The following MYO3B variants were observed in gnomAD, a reference collection of about 807,000 sequenced individuals.
MYO3B encodes myosin IIIB.
MYO3B carries 156 observed loss-of-function variants against 174.6 expected under a neutral mutation model. The ratio of observed to expected loss-of-function variants is 0.89; its 90% CI spans 0.78 to 1.02. The LOEUF is 1.02. Ranked by LOEUF, MYO3B falls within the 50% of genes least tolerant of loss-of-function variation. The pLI, the probability that MYO3B is intolerant of heterozygous loss-of-function variation, is 0.00. For missense variants in MYO3B, 1,632 were observed against 1,639.4 expected, an observed-to-expected ratio of 1.00 and a Z score of 0.08; for synonymous variants, 563 against 569.1, an observed-to-expected ratio of 0.99 and a Z score of 0.15.
At chr2:170,194,365 T>C (rs2092574927) in intron 1 of MYO3B, among the ~76,000 whole-genome samples, 1 of 151,868 alleles carries the variant, frequency 6.6e-6, no homozygotes, top group African/African-American at 2.4e-5. Context: ...TTTAGCCAGG[T>C]GTGGTAGTGT....
chr2:170,288,665 C>A (rs182744673), intron 7 of MYO3B, among the ~76,000 whole-genome samples: 2 of 152,146 alleles, frequency 1.3e-5, no homozygotes, highest in African/African-American at 4.8e-5. Flanking sequence ...GGTCTACAAA[C>A]AAAGCTAATT....
chr2:170,498,142 GTGT>G (rs1266860103), intron 25 of MYO3B, among the ~76,000 whole-genome samples: 2 of 152,104 alleles, frequency 1.3e-5, no homozygotes, highest in African/African-American at 4.8e-5. Context: ...AGAATCAGTA[GTGT>G]TAGGCTGTGA....
At chr2:170,543,126 G>A (rs1201820006) in intron 31 of MYO3B, among the ~76,000 whole-genome samples, 160 bp downstream of exon 31, 1 of 152,158 alleles carries the variant, frequency 6.6e-6, no homozygotes. Context: ...CCAGCTTGCT[G>A]AAGAACTTTG....
At chr2:170,217,213 C>A in intron 5 of MYO3B, 106 bp from the exon 6 acceptor site, 1 of 930,320 alleles carries the variant, frequency 1.1e-6, no homozygotes, top group Non-Finnish European at 1.8e-6. Flanking sequence ...CCATATGGCC[C>A]ACAAAGCCTA....
intron 32 of MYO3B, among the ~76,000 whole-genome samples, chr2:170,567,371 C>G (rs982782623): frequency 6.6e-6 from 1 of 152,106 alleles, no homozygotes; most frequent in Non-Finnish European, 1.5e-5. Context: ...AATTTTTTCC[C>G]GTAACCACTG....
At chr2:170,266,601 T>C (rs916879307) in intron 7 of MYO3B, among the ~76,000 whole-genome samples, 6 of 152,208 alleles carry the variant, frequency 3.9e-5, no homozygotes, top group African/African-American at 1.4e-4. Context: ...GTACAAGGAC[T>C]CTGACACAAA....
At chr2:170,237,313 T>G (rs1434447652) in intron 7 of MYO3B, among the ~76,000 whole-genome samples, 1 of 152,196 alleles carries the variant, frequency 6.6e-6, no homozygotes, top group East Asian at 1.9e-4. Context: ...TTGATTTTTT[T>G]TTACAAATGG....
chr2:170,256,807 G>C (rs567650284), intron 7 of MYO3B, among the ~76,000 whole-genome samples: 87 of 152,222 alleles, frequency 5.7e-4, no homozygotes, highest in African/African-American at 2.1e-3. Flanking sequence ...AAGGCACAGA[G>C]TGGCAAGTTG....
chr2:170,306,410 G>A (rs11686931), intron 7 of MYO3B, among the ~76,000 whole-genome samples: 37,542 of 152,036 alleles, frequency 0.25, 5,700 homozygotes, highest in African/African-American at 0.4. Context: ...ATGCTTCCAT[G>A]GCATTTAGAA....
chr2:170,350,411 C>T (rs2094056291), intron 8 of MYO3B: 1 of 152,202 alleles, frequency 6.6e-6, no homozygotes, highest in Non-Finnish European at 1.5e-5. Context: ...TTATTCCTCT[C>T]CAAAAGCTTC....
chr2:170,631,019 C>T (rs1036482836), intron 32 of MYO3B, among the ~76,000 whole-genome samples: 8 of 152,214 alleles, frequency 5.3e-5, no homozygotes, highest in African/African-American at 1.9e-4. Context: ...GAACGCAGCT[C>T]CTTGCCAGCA....
chr2:170,495,159 C>T (rs951655217), intron 25 of MYO3B, among the ~76,000 whole-genome samples: 2 of 152,222 alleles, frequency 1.3e-5, no homozygotes, highest in Admixed American at 6.5e-5. Context: ...ATATCTTTTG[C>T]TTAACTCATC....
chr2:170,590,239 A>G (rs906062015), intron 32 of MYO3B, among the ~76,000 whole-genome samples: 4 of 152,234 alleles, frequency 2.6e-5, no homozygotes, highest in African/African-American at 7.2e-5. Context: ...CAGAACCAAA[A>G]GGGATAGGAG....
chr2:170,643,964 T>C (rs1698174554), intron 32 of MYO3B: 1 of 152,154 alleles, frequency 6.6e-6, no homozygotes, highest in Admixed American at 6.5e-5. Flanking sequence ...GTGATGAAAA[T>C]GGAAACATTA....
intron 25 of MYO3B, among the ~76,000 whole-genome samples, chr2:170,490,666 CT>C (rs1227272391): frequency 6.6e-6 from 1 of 152,014 alleles, no homozygotes; most frequent in Non-Finnish European, 1.5e-5. Flanking sequence ...ATGGTGTTAG[CT>C]TTAAGTTTTT....
chr2:170,467,976 T>C (rs1011081288), intron 25 of MYO3B, among the ~76,000 whole-genome samples: 1 of 152,164 alleles, frequency 6.6e-6, no homozygotes, highest in Admixed American at 6.5e-5. Flanking sequence ...TAGTCAAGTA[T>C]TTTTTGTAAC....
At position 170,405,596 on chromosome 2, in the gene MYO3B, T is replaced by C. The variant is rs2094504487; in HGVS notation, c.2483T>C (p.Val828Ala). The C allele has an allele frequency of 6.2e-7, 1 of 1,614,006 alleles. No homozygotes were observed. The highest frequency in any genetic ancestry group is 8.5e-7 in the Non-Finnish European group (1 of 1,179,980). Residue 828 changes from valine to alanine, a missense_variant, in exon 21 of 35, where the codon GTG (valine) becomes GCG (alanine). Val to Ala is a moderately conservative substitution (Grantham distance 64, BLOSUM62 0). Transcript: ENST00000408978. ...RCKYFWRPKG[V>A]ELCFGIQHYA... ...AAATACTTCTGGAGGCCCAAAGGAG[T>C]GGAACTGTGCTTTGGCATTCAGCAT... is the stretch of plus-strand genomic sequence containing the variant.
chr2:170,629,433 A>G (rs780017845), intron 32 of MYO3B, among the ~76,000 whole-genome samples: 2 of 152,222 alleles, frequency 1.3e-5, no homozygotes, highest in African/African-American at 2.4e-5. Flanking sequence ...GGGTGATTTT[A>G]GCAGAGGGTA....
intron 8 of MYO3B, among the ~76,000 whole-genome samples, chr2:170,356,750 CTGTTT>C (rs1037633816): frequency 7.2e-5 from 11 of 152,034 alleles, no homozygotes; most frequent in African/African-American, 2.7e-4. Flanking sequence ...AATTGCTGGT[CTGTTT>C]TATTTATTTA....
Sources: allele counts gnomAD v4.1 joint callset (sites outside exome capture counted in the v4.1 genomes callset), GRCh38; gene constraint gnomAD v4.1.1; transcripts MANE v1.5; gene names NCBI Gene and HGNC (gene_info 2026-07-23, HGNC 2026-07-21).